The following APPBP2 variants were observed in gnomAD, a reference collection of about 807,000 sequenced individuals.
APPBP2 encodes amyloid beta precursor protein binding protein 2, also known as amyloid protein-binding protein 2.
Under a neutral mutation model 76.0 loss-of-function variants are expected in APPBP2, and 15 were observed. The observed-to-expected ratio is 0.20, with a 90% CI of 0.13 to 0.30. The LOEUF is 0.30. APPBP2 is among the 10% of genes least tolerant of loss of function. APPBP2 has a pLI of 1.00. For synonymous variants in APPBP2, 222 were observed against 242.2 expected, an observed-to-expected ratio of 0.92 and a Z score of 0.77; for missense variants, 401 against 687.2, an observed-to-expected ratio of 0.58 and a Z score of 4.66.
At chr17:60,507,031 T>C (rs1221686694) in intron 1 of APPBP2, among the ~76,000 whole-genome samples, 1 of 152,028 alleles carries the variant, frequency 6.6e-6, no homozygotes, top group Non-Finnish European at 1.5e-5. Flanking sequence ...CAAGACTCCA[T>C]CTCAAAAAAA....
intron 1 of APPBP2, among the ~76,000 whole-genome samples, chr17:60,515,776 GAC>G (rs1477645013): frequency 6.6e-6 from 1 of 152,212 alleles, no homozygotes; most frequent in African/African-American, 2.4e-5. Context: ...CCAACTACTA[GAC>G]TGGTATACTA....
At chr17:60,474,177 A>AAAT (rs2090573014) in intron 4 of APPBP2, among the ~76,000 whole-genome samples, 2 of 144,168 alleles carry the variant, frequency 1.4e-5, no homozygotes, top group African/African-American at 4.9e-5. Flanking sequence ...TTTTTTTTTT[A>AAAT]TTTTTTTTTT....
intron 3 of APPBP2, among the ~76,000 whole-genome samples, chr17:60,488,286 T>C (rs1351858283): frequency 6.6e-6 from 1 of 152,234 alleles, no homozygotes; most frequent in Non-Finnish European, 1.5e-5. Context: ...CTGCAGAAGT[T>C]TCTGCTGCCT....
chr17:60,502,111 T>C (rs917898299), intron 1 of APPBP2, among the ~76,000 whole-genome samples: 2 of 152,234 alleles, frequency 1.3e-5, no homozygotes, highest in Non-Finnish European at 2.9e-5. Context: ...TGCAGTATAG[T>C]GGCACAATTA....
intron 1 of APPBP2, among the ~76,000 whole-genome samples, chr17:60,505,947 T>C (rs544829876): frequency 3.0e-4 from 45 of 151,860 alleles, no homozygotes; most frequent in Non-Finnish European, 5.4e-4. Context: ...CCTCCCAAAG[T>C]GCTGGGATTA....
chr17:60,483,695 T>C (rs2090649820), intron 3 of APPBP2, among the ~76,000 whole-genome samples: 1 of 152,162 alleles, frequency 6.6e-6, no homozygotes, highest in African/African-American at 2.4e-5. Flanking sequence ...ACCTAGCCGA[T>C]GGTAGTTTCT....
chr17:60,484,295 T>A lies in APPBP2; in HGVS notation c.380-5024A>T, dbSNP rs867975067. 3.9e-5 allele frequency among the ~76,000 whole-genome samples: 6 copies of A among 152,308 alleles called. No homozygotes were observed. In the South Asian group the frequency reaches 1.2e-3, roughly 32 times the overall value. ...CATTGGTAGCTTGATGGAGATGGCATTGAATCTATAAATTACCTTGCACAG... is the reference window on the plus strand; with the variant it reads ...CATTGGTAGCTTGATGGAGATGGCAATGAATCTATAAATTACCTTGCACAG... On this transcript the variant is annotated intron_variant, in intron 3 of 12. Coordinates refer to ENST00000083182, the MANE Select transcript of APPBP2 (RefSeq NM_006380.5).
At chr17:60,478,594 A>G (rs9890623) in intron 4 of APPBP2, among the ~76,000 whole-genome samples, 11,933 of 152,246 alleles carry the variant, frequency 0.078, 1,581 homozygotes, top group African/African-American at 0.27. Context: ...GAATAAACAA[A>G]CAAGCTCTAT....
chr17:60,521,228 A>T (rs967350141), intron 1 of APPBP2, among the ~76,000 whole-genome samples: 13 of 152,270 alleles, frequency 8.5e-5, no homozygotes, highest in Non-Finnish European at 1.6e-4. Flanking sequence ...AACCGACTGC[A>T]TATAAAAAGG....
intron 10 of APPBP2, among the ~76,000 whole-genome samples, chr17:60,455,880 C>T (rs779603831): frequency 1.8e-4 from 27 of 152,178 alleles, no homozygotes; most frequent in Non-Finnish European, 3.5e-4. Context: ...TGGGTTCAAA[C>T]GATTCTCCTG....
intron 4 of APPBP2, chr17:60,477,418 C>T (rs1180139659): frequency 6.6e-6 from 1 of 152,096 alleles, no homozygotes; most frequent in Non-Finnish European, 1.5e-5. Context: ...TACAAAATCC[C>T]CTTTCTGTTC....
intron 4 of APPBP2, among the ~76,000 whole-genome samples, chr17:60,476,059 C>T (rs1214063674): frequency 6.6e-6 from 1 of 152,170 alleles, no homozygotes; most frequent in East Asian, 1.9e-4. Context: ...AATTTTCTTC[C>T]TCATAGCTTT....
intron 1 of APPBP2, among the ~76,000 whole-genome samples, chr17:60,507,975 C>CTT (rs753633178): frequency 2.8e-5 from 4 of 141,132 alleles, no homozygotes; most frequent in East Asian, 2.0e-4. Context: ...TTTTTTCCTT[C>CTT]TTTTTTTTTT....
In APPBP2 at chr17:60,476,258, T is replaced by C. The variant is rs1028361241; in HGVS notation, c.503+2890A>G. Among the ~76,000 whole-genome samples, 16 of 152,340 alleles carry C rather than the reference T, an allele frequency of 1.1e-4. No homozygotes were observed. In the East Asian group the frequency reaches 3.1e-3, roughly 29 times the overall value. On this transcript the variant is annotated intron_variant, in intron 4 of 12. Coordinates refer to ENST00000083182, the MANE Select transcript of APPBP2 (RefSeq NM_006380.5). The stretch of plus-strand genomic sequence containing the variant: ...TTCTCTGACCTTTGTTGTATAATGT[T>C]TTGATGTTAGCCCCATATTAGAAAT...
intron 1 of APPBP2, among the ~76,000 whole-genome samples, chr17:60,518,358 CGTGTGTGTGT>C (rs59428194): frequency 0.014 from 1,289 of 89,004 alleles, 51 homozygotes; most frequent in African/African-American, 0.057. Context: ...TGTGTGCGTG[CGTGTGTGTGT>C]GTGTGTGTGT....
At chr17:60,523,924 G>A (rs1220156047) in intron 1 of APPBP2, among the ~76,000 whole-genome samples, 1 of 152,102 alleles carries the variant, frequency 6.6e-6, no homozygotes, top group Non-Finnish European at 1.5e-5. Flanking sequence ...AGGTTATACT[G>A]TACTCTACTT....
At chr17:60,507,955 GT>G (rs1487225629) in intron 1 of APPBP2, among the ~76,000 whole-genome samples, 7 of 151,090 alleles carry the variant, frequency 4.6e-5, no homozygotes, top group Admixed American at 3.3e-4. Flanking sequence ...ACCCAGCCAA[GT>G]TGTTTCTTTT....
chr17:60,458,420 T>A (rs2090447990), intron 9 of APPBP2, among the ~76,000 whole-genome samples: 2 of 148,298 alleles, frequency 1.3e-5, no homozygotes, highest in African/African-American at 5.2e-5. Context: ...GGCGACAGAG[T>A]GACAGACTCT....
At chr17:60,498,612 C>T (rs1415477442) in intron 2 of APPBP2, among the ~76,000 whole-genome samples, 2 of 152,012 alleles carry the variant, frequency 1.3e-5, no homozygotes, top group African/African-American at 4.8e-5. Context: ...AGAATGAACA[C>T]ACTGTAATTG....
Sources: allele counts gnomAD v4.1 joint callset (sites outside exome capture counted in the v4.1 genomes callset), GRCh38; gene constraint gnomAD v4.1.1; transcripts MANE v1.5; gene names NCBI Gene and HGNC (gene_info 2026-07-23, HGNC 2026-07-21).